INSL6: variants seen among roughly 807,000 people sequenced by gnomAD.
The protein encoded by INSL6 is insulin like 6.
INSL6 carries 16 observed loss-of-function variants against 9.4 expected under a neutral mutation model. The observed-to-expected ratio is 1.70, with a 90% CI of 1.15 to 2.59. INSL6 has a LOEUF of 2.59. Ranked by LOEUF, INSL6 falls within the 30% of genes most tolerant of loss-of-function variation. The pLI is 0.00. For synonymous variants in INSL6, 154 were observed against 96.9 expected, an observed-to-expected ratio of 1.59 and a Z score of -3.46; for missense variants, 391 against 257.3, an observed-to-expected ratio of 1.52 and a Z score of -3.56.
rs1217995728 is a variant in INSL6 at position 5,132,142 on chromosome 9, C to A, written c.*10+1283G>T. On this transcript the variant is annotated intron_variant, in intron 3 of 3. Transcript: ENST00000649639. ...CTTTGAAAAATGTTGAAGTTGAATC[C>A]TAGAACAGTGAGCATACCATTATTC... 10 of 152,200 alleles carry A rather than the reference C, an allele frequency of 6.6e-5. No homozygotes were observed. In the East Asian group the frequency reaches 1.9e-3, roughly 29 times the overall value. 9.4% of individuals were successfully genotyped at this position (152,200 alleles called of 1,614,324 possible).
downstream of INSL6, among the ~76,000 whole-genome samples, chr9:5,120,495 C>G (rs1823532754): frequency 6.6e-6 from 1 of 152,168 alleles, no homozygotes; most frequent in South Asian, 2.1e-4. Flanking sequence ...CGAAAAGGCT[C>G]TTTTGTTTTA....
intron 2 of INSL6, among the ~76,000 whole-genome samples, chr9:5,157,766 C>T (rs1393805219): frequency 1.3e-5 from 2 of 152,066 alleles, no homozygotes; most frequent in Non-Finnish European, 2.9e-5. Flanking sequence ...CAATAAATAC[C>T]TCACTCTTGA....
At chr9:5,120,180 A>AT (rs1183015881), downstream of INSL6, among the ~76,000 whole-genome samples, 2 of 152,230 alleles carry the variant, frequency 1.3e-5, no homozygotes, top group African/African-American at 2.4e-5. Flanking sequence ...GAGGAACACC[A>AT]TGTCCTCACA....
the INSL6 span, among the ~76,000 whole-genome samples, chr9:5,015,626 G>C: frequency 1.3e-5 from 2 of 151,304 alleles, no homozygotes; most frequent in Non-Finnish European, 2.9e-5. Flanking sequence ...CTGCGGCCTC[G>C]GTCTCCTGGG....
At chr9:5,026,026 T>C in the INSL6 span, among the ~76,000 whole-genome samples, 1 of 152,198 alleles carries the variant, frequency 6.6e-6, no homozygotes, top group African/African-American at 2.4e-5. Flanking sequence ...TTTCTTATTA[T>C]CCTTGACAAA....
the INSL6 span, among the ~76,000 whole-genome samples, chr9:5,016,095 G>T: frequency 1.5e-4 from 22 of 150,188 alleles, no homozygotes; most frequent in Non-Finnish European, 3.1e-4. Context: ...TTTACTGCCA[G>T]CCGTCGCTTC....
intron 1 of INSL6, among the ~76,000 whole-genome samples, chr9:5,177,906 C>T (rs971636115): frequency 2.0e-5 from 3 of 151,956 alleles, no homozygotes; most frequent in East Asian, 1.9e-4. Flanking sequence ...GTTGGAGTCT[C>T]GCTCTGTCAC....
At chr9:5,126,239 A>G in intron 3 of INSL6, 2 of 771,668 alleles carry the variant, frequency 2.6e-6, no homozygotes, top group East Asian at 2.6e-5. Context: ...AAGCACACAT[A>G]TACTAAATTT....
chr9:5,163,736 A>G (rs1824978435), downstream of INSL6: 4 of 571,432 alleles, frequency 7.0e-6, no homozygotes, highest in Non-Finnish European at 9.3e-6. Flanking sequence ...AAGGAAAACA[A>G]CAGGGTCACC....
At chr9:5,001,748 G>A in the INSL6 span, among the ~76,000 whole-genome samples, 2 of 151,800 alleles carry the variant, frequency 1.3e-5, no homozygotes, top group South Asian at 2.1e-4. Flanking sequence ...TACAGAATTG[G>A]TACTATTTTT....
chr9:5,085,564 G>C, the INSL6 span: 1 of 691,828 alleles, frequency 1.4e-6, no homozygotes. Context: ...TATAACAGCT[G>C]TATTTCCAGT....
At chr9:5,105,319 G>C in the INSL6 span, among the ~76,000 whole-genome samples, 1 of 152,100 alleles carries the variant, frequency 6.6e-6, no homozygotes, top group Non-Finnish European at 1.5e-5. Context: ...GCTACAAAGA[G>C]AATAAAATAC....
At chr9:5,132,702 CTAAG>C (rs1824314816) in intron 3 of INSL6, 1 of 152,108 alleles carries the variant, frequency 6.6e-6, no homozygotes, top group Non-Finnish European at 1.5e-5. Flanking sequence ...AACTGATCTC[CTAAG>C]TATGTTGATA....
intron 1 of INSL6, among the ~76,000 whole-genome samples, chr9:5,171,994 C>T (rs1456117057): frequency 1.3e-5 from 2 of 152,128 alleles, no homozygotes; most frequent in African/African-American, 2.4e-5. Context: ...TTTAAAAAGT[C>T]GTATGGAACC....
chr9:5,099,222 T>C, the INSL6 span: 1 of 152,228 alleles, frequency 6.6e-6, no homozygotes, highest in Non-Finnish European at 1.5e-5. Context: ...GACCAGGTCT[T>C]TACTATGGAC....
At chr9:5,055,841 G>C in the INSL6 span, 1 of 1,492,472 alleles carries the variant, frequency 6.7e-7, no homozygotes, top group Non-Finnish European at 9.2e-7. Flanking sequence ...TCTCAGAAAT[G>C]TGTATTTTAG....
the INSL6 span, among the ~76,000 whole-genome samples, chr9:5,065,786 C>T: frequency 5.9e-5 from 9 of 152,004 alleles, no homozygotes; most frequent in African/African-American, 1.7e-4. Context: ...TTGAATAACT[C>T]GAGCAAAGGG....
At chr9:5,075,887 A>G in the INSL6 span, among the ~76,000 whole-genome samples, 1 of 152,220 alleles carries the variant, frequency 6.6e-6, no homozygotes, top group Non-Finnish European at 1.5e-5. Flanking sequence ...ACCATTCTAG[A>G]TGCCAGGAAT....
At chr9:5,104,267 C>G in the INSL6 span, among the ~76,000 whole-genome samples, 11 of 152,168 alleles carry the variant, frequency 7.2e-5, no homozygotes, top group African/African-American at 2.7e-4. Flanking sequence ...AAACTACCAT[C>G]AGAGAATACT....
Sources: allele counts gnomAD v4.1 joint callset (sites outside exome capture counted in the v4.1 genomes callset), GRCh38; gene constraint gnomAD v4.1.1; transcripts MANE v1.5; gene names NCBI Gene and HGNC (gene_info 2026-07-23, HGNC 2026-07-21).